The following ATRNL1 variants were observed in gnomAD, a reference collection of about 807,000 sequenced individuals.
ATRNL1 encodes the protein attractin-like protein 1.
ATRNL1 carries 95 observed loss-of-function variants against 182.7 expected under a neutral mutation model. The observed-to-expected ratio is 0.52, with a 90% CI of 0.44 to 0.62. The LOEUF is 0.62. ATRNL1 is among the 20% of genes least tolerant of loss of function. The probability of loss-of-function intolerance (pLI) is 0.00; values close to 1 mark genes in which losing one functional copy is unlikely to be tolerated. For missense variants in ATRNL1, 1,471 were observed against 1,679.5 expected (o/e 0.88, Z 2.17); for synonymous variants, 576 against 568.3 (o/e 1.01, Z -0.19).
chr10:115,199,693 C>T (rs1004388104), intron 8 of ATRNL1, among the ~76,000 whole-genome samples: 1 of 152,096 alleles, frequency 6.6e-6, no homozygotes, highest in African/African-American at 2.4e-5. Context: ...GTTGTGGAGA[C>T]TTCTTAGCAA....
intron 19 of ATRNL1, among the ~76,000 whole-genome samples, chr10:115,351,689 C>T (rs1326751198): frequency 6.6e-6 from 1 of 151,878 alleles, no homozygotes; most frequent in African/African-American, 2.4e-5. Flanking sequence ...AATTTTGTTA[C>T]AGATTTTTGC....
intron 26 of ATRNL1, among the ~76,000 whole-genome samples, chr10:115,617,518 C>T (rs1241660699): frequency 2.0e-5 from 3 of 152,132 alleles, no homozygotes. Flanking sequence ...CACCACCACA[C>T]CCAGCTAATT....
chr10:115,752,093 A>G (rs1174761325), intron 27 of ATRNL1, among the ~76,000 whole-genome samples: 1 of 152,038 alleles, frequency 6.6e-6, no homozygotes, highest in Non-Finnish European at 1.5e-5. Context: ...GTGAATGAAT[A>G]TAAATATGAA....
chr10:115,093,733 G>T lies in ATRNL1; in HGVS notation c.-18G>T, dbSNP rs1554862235. On this transcript the variant is annotated 5_prime_UTR_variant, in exon 1 of 29. Transcript: ENST00000355044. The surrounding 1 kb of genome is among the most constrained non-coding windows in gnomAD (Gnocchi z 6.1). The stretch of plus-strand genomic sequence containing the variant: ...GCGCCCGCGAGCGCAGTCTCGCCGG[G>T]CAGGGGCGCCGGGGAAGATGGAGAC... 1 of 1,412,714 alleles carries T rather than the reference G, an allele frequency of 7.1e-7. No homozygotes were observed. 87.5% of individuals were successfully genotyped at this position (1,412,714 alleles called of 1,614,324 possible).
chr10:115,732,804 AT>A (rs1175449102), intron 27 of ATRNL1, among the ~76,000 whole-genome samples: 1 of 151,934 alleles, frequency 6.6e-6, no homozygotes, highest in African/African-American at 2.4e-5. Flanking sequence ...TATCTATAGA[AT>A]TTTTTTTGTA....
rs201941602 is a variant in ATRNL1 at position 115,882,494 on chromosome 10, G to A, written c.4018+34503G>A. On this transcript the variant is annotated intron_variant, in intron 28 of 28. Transcript: ENST00000355044. ...ATACTTCATTCACATGTGCTATTTC[G>A]TACTTCATTCACATGTGCTATTTTT... Among the ~76,000 whole-genome samples the A allele has an allele frequency of 5.3e-5, 8 of 152,132 alleles. No homozygotes were observed. In the East Asian group the frequency reaches 9.7e-4, roughly 18 times the overall value.
intron 26 of ATRNL1, among the ~76,000 whole-genome samples, chr10:115,725,965 A>C (rs572269053): frequency 1.1e-4 from 16 of 152,184 alleles, no homozygotes; most frequent in Non-Finnish European, 2.4e-4. Context: ...ACTTCAAAAA[A>C]ATGTGATCTA....
chr10:115,768,246 G>A (rs530167516), intron 27 of ATRNL1, among the ~76,000 whole-genome samples: 50 of 152,134 alleles, frequency 3.3e-4, no homozygotes, highest in African/African-American at 1.2e-3. Context: ...GAGAAGTAGA[G>A]CTAATGTACA....
intron 27 of ATRNL1, among the ~76,000 whole-genome samples, chr10:115,825,111 A>G (rs970575945): frequency 1.3e-5 from 2 of 152,142 alleles, no homozygotes; most frequent in East Asian, 3.9e-4. Flanking sequence ...GAAGCTGGAA[A>G]CCATCATTCT....
chr10:115,687,435 A>T (rs955523717), intron 26 of ATRNL1, among the ~76,000 whole-genome samples: 5 of 152,074 alleles, frequency 3.3e-5, no homozygotes, highest in Non-Finnish European at 7.4e-5. Context: ...GTTGTTGCAA[A>T]TCGCAAGATT....
chr10:115,710,026 T>A (rs1485721893), intron 26 of ATRNL1, among the ~76,000 whole-genome samples: 1 of 152,064 alleles, frequency 6.6e-6, no homozygotes, highest in East Asian at 1.9e-4. Context: ...CTTGATAGTT[T>A]CTGTAGTTTT....
intron 27 of ATRNL1, among the ~76,000 whole-genome samples, chr10:115,844,473 T>C: frequency 6.6e-6 from 1 of 152,098 alleles, no homozygotes; most frequent in Non-Finnish European, 1.5e-5. Context: ...TTAAGAACTA[T>C]ACCTTGAAAA....
At chr10:115,525,450 C>T (rs782368292) in intron 25 of ATRNL1, among the ~76,000 whole-genome samples, 2 of 152,170 alleles carry the variant, frequency 1.3e-5, no homozygotes, top group African/African-American at 4.8e-5. Flanking sequence ...CTCGTATTTT[C>T]GGGACTGCTC....
At chr10:115,277,713 A>T (rs1852166004) in intron 13 of ATRNL1, among the ~76,000 whole-genome samples, 2 of 152,124 alleles carry the variant, frequency 1.3e-5, no homozygotes, top group Non-Finnish European at 2.9e-5. Context: ...GTTAGGTTTT[A>T]TCATAGGTAT....
intron 26 of ATRNL1, among the ~76,000 whole-genome samples, chr10:115,629,588 T>G (rs1366758232): frequency 6.6e-6 from 1 of 152,116 alleles, no homozygotes; most frequent in Non-Finnish European, 1.5e-5. Flanking sequence ...TGAGGAAATG[T>G]TTTCCAAAGT....
intron 28 of ATRNL1, among the ~76,000 whole-genome samples, chr10:115,848,852 T>A (rs1475534905): frequency 6.6e-6 from 1 of 152,206 alleles, no homozygotes; most frequent in East Asian, 1.9e-4. Context: ...AATCTGTTTT[T>A]CTCTTCAATT....
rs187332768 is a variant in ATRNL1, at chr10:115,908,288, G to A, written c.4019-36370G>A. Among the ~76,000 whole-genome samples, 501 of 152,242 alleles carry A rather than the reference G, an allele frequency of 3.3e-3. 2 individuals carry two copies. The highest frequency in any genetic ancestry group is 4.9e-3 in the Non-Finnish European group (331 of 68,016). On this transcript the variant is annotated intron_variant, in intron 28 of 28. Transcript: ENST00000355044. ...GTATTACCTTACAGTTCTGGAGGTC[G>A]GAAGTCTAAAATGGATCTGCAAAGC...
chr10:115,309,630 A>C (rs560789978), intron 17 of ATRNL1, among the ~76,000 whole-genome samples: 12 of 152,230 alleles, frequency 7.9e-5, no homozygotes, highest in African/African-American at 2.9e-4. Context: ...TTGTAACCTT[A>C]GACTTTACTG....
In ATRNL1 at chr10:115,127,619, G is replaced by A. The variant is rs782775721; in HGVS notation, c.518G>A (p.Gly173Asp). The change falls in exon 4 of 29, where the codon GGC (glycine) becomes GAC (aspartate). Residue 173 changes from glycine to aspartate, a missense_variant. Coordinates refer to ENST00000355044, the MANE Select transcript of ATRNL1 (RefSeq NM_207303.4). ...LSGLIVPEIR[G>D]NETVPEVVTT... ...GGTTTGATAGTCCCTGAAATAAGGGGCAATGAAACTGTGCCTGAAGTTGTT... is the reference window on the plus strand; with the variant it reads ...GGTTTGATAGTCCCTGAAATAAGGGACAATGAAACTGTGCCTGAAGTTGTT... 1 of 1,608,954 alleles carries A rather than the reference G, an allele frequency of 6.2e-7. No individual in the cohort carries two copies. Among genetic ancestry groups the A allele is most frequent in the Non-Finnish European group, 8.5e-7 (1 of 1,177,652 alleles).
Sources: gnomAD v4.1 joint callset for allele counts (sites outside exome capture counted in the v4.1 genomes callset) on GRCh38, gnomAD v4.1.1 for gene constraint, Gnocchi (gnomAD v3.1) non-coding constraint, MANE v1.5 for transcripts, NCBI Gene and HGNC (gene_info 2026-07-23, HGNC 2026-07-21) for gene names.